The following UBXN7 variants were observed in gnomAD, a reference collection of about 807,000 sequenced individuals.
UBXN7 encodes UBX domain protein 7, also known as UBX domain-containing protein 7.
A neutral mutation model predicts 58.0 loss-of-function variants in UBXN7; 9 were observed. The observed-to-expected ratio is 0.16, with a 90% CI of 0.09 to 0.27. UBXN7 has a LOEUF of 0.27. Among genes scored for constraint, UBXN7 ranks in the 10% least tolerant of loss-of-function variants. The probability of loss-of-function intolerance (pLI) is 1.00; values close to 1 mark genes in which losing one functional copy is unlikely to be tolerated. For missense variants in UBXN7, 328 were observed against 599.6 expected, an observed-to-expected ratio of 0.55 and a Z score of 4.73; for synonymous variants, 208 against 205.0, an observed-to-expected ratio of 1.01 and a Z score of -0.12.
intron 1 of UBXN7, among the ~76,000 whole-genome samples, chr3:196,417,466 G>C (rs1411632090): frequency 6.6e-6 from 1 of 151,906 alleles, no homozygotes; most frequent in Non-Finnish European, 1.5e-5. Context: ...TAAGAGCCTG[G>C]GAACTACTCA....
chr3:196,376,633 A>G (rs1251036987), intron 5 of UBXN7, among the ~76,000 whole-genome samples: 1 of 151,716 alleles, frequency 6.6e-6, no homozygotes, highest in Non-Finnish European at 1.5e-5. Context: ...TCGGCTACAT[A>G]TTTTCACTTG....
chr3:196,427,019 C>A (rs567893822), intron 1 of UBXN7, among the ~76,000 whole-genome samples: 1 of 152,284 alleles, frequency 6.6e-6, no homozygotes, highest in East Asian at 1.9e-4. Flanking sequence ...CCGCTATGCA[C>A]AAAGCTCTAT....
At chr3:196,429,594 GCA>G (rs1730959951) in intron 1 of UBXN7, among the ~76,000 whole-genome samples, 1 of 151,880 alleles carries the variant, frequency 6.6e-6, no homozygotes, top group African/African-American at 2.4e-5. Context: ...TGAAATCAGA[GCA>G]TAAGCTATTA....
At chr3:196,382,260 A>C (rs1368187221) in intron 5 of UBXN7, among the ~76,000 whole-genome samples, 2 of 152,206 alleles carry the variant, frequency 1.3e-5, no homozygotes, top group African/African-American at 4.8e-5. Flanking sequence ...GTTACCCACA[A>C]AGGGAAGCCC....
At chr3:196,380,927 G>A (rs1045154927) in intron 5 of UBXN7, among the ~76,000 whole-genome samples, 4 of 152,258 alleles carry the variant, frequency 2.6e-5, no homozygotes, top group African/African-American at 4.8e-5. Context: ...CTGGCTGAGG[G>A]AGGGGCGTCC....
chr3:196,428,542 A>C (rs1730920249), intron 1 of UBXN7, among the ~76,000 whole-genome samples: 1 of 152,182 alleles, frequency 6.6e-6, no homozygotes, highest in African/African-American at 2.4e-5. Context: ...GTGGAAGATA[A>C]TATGTAAAAT....
intron 2 of UBXN7, among the ~76,000 whole-genome samples, chr3:196,407,000 C>T (rs887156467): frequency 6.6e-6 from 1 of 152,234 alleles, no homozygotes; most frequent in Admixed American, 6.5e-5. Context: ...CACCACCACA[C>T]ACTCCAACCA....
rs1177215086 is a variant in UBXN7 at position 196,362,565 on chromosome 3, T to C, written c.957A>G (p.Glu319=). 6.2e-7 allele frequency: 1 copy of C among 1,614,220 alleles called. No individual in the cohort carries two copies. The highest frequency in any genetic ancestry group is 8.5e-7 in the Non-Finnish European group (1 of 1,180,036). ...KQDSRSDEES[E]SELFSGSEEF... is the part of the protein sequence containing the mutation. ...CCTCACTGCCAGAAAAAAGTTCAGATTCAGATTCTTCATCTGAGCGGCTAT... is the reference window on the plus strand; with the variant it reads ...CCTCACTGCCAGAAAAAAGTTCAGACTCAGATTCTTCATCTGAGCGGCTAT... Residue 319 remains glutamate, a synonymous_variant, in exon 9 of 11, where the codon GAA becomes GAG. Coordinates refer to ENST00000296328, the MANE Select transcript of UBXN7 (RefSeq NM_015562.2).
chr3:196,361,442 T>C (rs1728502921), intron 10 of UBXN7, among the ~76,000 whole-genome samples: 1 of 152,196 alleles, frequency 6.6e-6, no homozygotes, highest in Non-Finnish European at 1.5e-5. Context: ...CTGACTCCAG[T>C]TTTGAAAGAA....
At chr3:196,413,482 T>C (rs970371985) in intron 1 of UBXN7, among the ~76,000 whole-genome samples, 2 of 152,194 alleles carry the variant, frequency 1.3e-5, no homozygotes, top group African/African-American at 4.8e-5. Context: ...TATATGGTAA[T>C]TTAAGTTACA....
chr3:196,425,071 A>C (rs1730805567), intron 1 of UBXN7, among the ~76,000 whole-genome samples: 1 of 152,114 alleles, frequency 6.6e-6, no homozygotes, highest in African/African-American at 2.4e-5. Context: ...CCAAATATTC[A>C]TCTGCTTCAA....
rs1299446476 is a variant in UBXN7 at position 196,355,551 on chromosome 3, C to A, written c.*1134G>T. On this transcript the variant is annotated 3_prime_UTR_variant, in exon 11 of 11. Coordinates refer to ENST00000296328, the MANE Select transcript of UBXN7 (RefSeq NM_015562.2). ...CTTAGAGAGGCTTTCCGTTTTGATA[C>A]CTTTTGAAAGAAAACAGCATGCGGA... The A allele has an allele frequency of 6.6e-6, 1 of 152,166 alleles. No individual in the cohort carries two copies. The highest frequency in any genetic ancestry group is 1.5e-5 in the Non-Finnish European group (1 of 68,026). The allele number at this position is 152,166 out of a possible 1,614,324, so 9.4% of individuals were successfully genotyped here. A position where few individuals can be genotyped will look rare whatever the true frequency, so the allele number is the denominator to read the frequency against.
At chr3:196,359,294 G>C (rs1728439696) in intron 10 of UBXN7, among the ~76,000 whole-genome samples, 1 of 152,144 alleles carries the variant, frequency 6.6e-6, no homozygotes, top group Non-Finnish European at 1.5e-5. Flanking sequence ...TAATAAAGAA[G>C]TATGTTCTGA....
intron 5 of UBXN7, among the ~76,000 whole-genome samples, chr3:196,377,386 C>T (rs1729062250): frequency 6.6e-6 from 1 of 152,212 alleles, no homozygotes; most frequent in South Asian, 2.1e-4. Context: ...CATTCCCTCG[C>T]TTCACTAAGG....
At chr3:196,420,209 G>T (rs1041491601) in intron 1 of UBXN7, among the ~76,000 whole-genome samples, 2 of 151,916 alleles carry the variant, frequency 1.3e-5, no homozygotes, top group Non-Finnish European at 2.9e-5. Context: ...ACAAGTTTAC[G>T]ATTTAAACTA....
At chr3:196,424,885 A>G (rs1048056610) in intron 1 of UBXN7, among the ~76,000 whole-genome samples, 1 of 151,504 alleles carries the variant, frequency 6.6e-6, no homozygotes, top group Non-Finnish European at 1.5e-5. Flanking sequence ...TATTTTTAGT[A>G]GAGACGGGGT....
At chr3:196,391,383 T>A (rs1729578003) in intron 5 of UBXN7, among the ~76,000 whole-genome samples, 1 of 152,162 alleles carries the variant, frequency 6.6e-6, no homozygotes, top group Non-Finnish European at 1.5e-5. Flanking sequence ...ATACTTATTA[T>A]AATGCCAATT....
At chr3:196,376,977 T>C (rs1729048402) in intron 5 of UBXN7, among the ~76,000 whole-genome samples, 2 of 151,376 alleles carry the variant, frequency 1.3e-5, no homozygotes, top group South Asian at 4.2e-4. Context: ...ACCCAGGAAG[T>C]TGGGGCTGCA....
rs1434829857 is a variant in UBXN7 at position 196,347,670 on chromosome 3, AGTTTTT to A, written c.*9009_*9014del. 4 of 152,086 alleles carry A rather than the reference AGTTTTT, an allele frequency of 2.6e-5. No homozygotes were observed. Among genetic ancestry groups the A allele is most frequent in the African/African-American group, 9.7e-5 (4 of 41,416 alleles). The allele number at this position is 152,086 out of a possible 1,614,324, so 9.4% of individuals were successfully genotyped here. A position where few individuals can be genotyped will look rare whatever the true frequency, so the allele number is the denominator to read the frequency against. On this transcript the variant is annotated 3_prime_UTR_variant, in exon 11 of 11. Coordinates refer to ENST00000296328, the MANE Select transcript of UBXN7 (RefSeq NM_015562.2). Reference sequence around the variant, plus strand: ...AACACAAAAAAAACTAATACTGAAAAGTTTTTGTTTTTATTTCCAAGATCAAATATT... The same window carrying A: ...AACACAAAAAAAACTAATACTGAAAAGTTTTTATTTCCAAGATCAAATATT...
Sources: allele counts gnomAD v4.1 joint callset (sites outside exome capture counted in the v4.1 genomes callset), GRCh38; gene constraint gnomAD v4.1.1; transcripts MANE v1.5; gene names NCBI Gene and HGNC (gene_info 2026-07-23, HGNC 2026-07-21).